The following METTL22 variants were observed in gnomAD, a reference collection of about 807,000 sequenced individuals.
METTL22 encodes methyltransferase-like protein 22.
METTL22 carries 51 observed loss-of-function variants against 48.4 expected under a neutral mutation model. That is an observed-to-expected ratio of 1.05 (90% CI 0.84 to 1.33). The LOEUF is 1.33. METTL22 is among the 40% of genes most tolerant of loss of function. The pLI, the probability that METTL22 is intolerant of heterozygous loss-of-function variation, is 0.00. For missense variants in METTL22, 678 were observed against 526.9 expected, an observed-to-expected ratio of 1.29 and a Z score of -2.81; for synonymous variants, 255 against 214.1, an observed-to-expected ratio of 1.19 and a Z score of -1.67.
chr16:8,659,335 A>C, the METTL22 span, among the ~76,000 whole-genome samples: 2 of 151,568 alleles, frequency 1.3e-5, no homozygotes, highest in Non-Finnish European at 2.9e-5. Context: ...AAAAAAAAAA[A>C]CGAACAAAAA....
At chr16:8,642,752 T>C (rs2056663435) in intron 9 of METTL22, 187 bp downstream of exon 9, 3 of 640,936 alleles carry the variant, frequency 4.7e-6, no homozygotes, top group Non-Finnish European at 5.6e-6. Context: ...CCTAGCCCTG[T>C]GTGCAGGCGC....
chr16:8,658,220 C>G, the METTL22 span, among the ~76,000 whole-genome samples: 15 of 152,302 alleles, frequency 9.8e-5, no homozygotes, highest in Middle Eastern at 3.4e-3. Context: ...AAGGAGCACC[C>G]GGGATCACCA....
chr16:8,628,204 C>T (rs2056127612), intron 2 of METTL22, among the ~76,000 whole-genome samples: 1 of 152,176 alleles, frequency 6.6e-6, no homozygotes, highest in Non-Finnish European at 1.5e-5. Context: ...CAACTTCACT[C>T]CTAAAATGTA....
rs2056656929 is a variant in METTL22, at chr16:8,642,562, A to G, written c.1007A>G (p.Lys336Arg). Residue 336 changes from lysine to arginine, a missense_variant, in exon 9 of 11, where the codon AAG (lysine) becomes AGG (arginine). Transcript: ENST00000381920. ...TGCACAGCCATACTGTCGGTGGAGA[A>G]GAGGTGAGCTTTGCGCCACGGGAAC... The part of the protein sequence containing the change: ...NACTAILSVE[K>R]RLNFTLRHLD... The G allele has an allele frequency of 1.9e-6, 3 of 1,614,046 alleles. No homozygotes were observed. The highest frequency in any genetic ancestry group is 1.1e-5 in the South Asian group (1 of 91,092).
At position 8,625,785 on chromosome 16, in the gene METTL22, C is replaced by T. The variant is rs763099173; in HGVS notation, c.120C>T (p.Ser40=). 25 of 1,614,128 alleles carry T rather than the reference C, an allele frequency of 1.5e-5. No homozygotes were observed. The South Asian group carries it at 2.1e-4, about 13-fold the overall frequency. Residue 40 remains serine, a synonymous_variant, in exon 2 of 11, where the codon AGC becomes AGT. Coordinates refer to ENST00000381920, the MANE Select transcript of METTL22 (RefSeq NM_024109.4). ...GACATCTCATGGTACGGCTGAACAG[C>T]GTGGGGCAGCCAGGTAAGGTCCTGG... ...NHRHLMVRLN[S]VGQPVFLSQF... is the part of the protein sequence containing the mutation.
the METTL22 span, among the ~76,000 whole-genome samples, chr16:8,660,133 T>C: frequency 1.3e-5 from 2 of 151,898 alleles, no homozygotes; most frequent in Non-Finnish European, 1.5e-5. Context: ...GGACATTAAC[T>C]GACTTTATGT....
At chr16:8,636,221 A>G (rs1282579349) in intron 5 of METTL22, among the ~76,000 whole-genome samples, 4 of 152,130 alleles carry the variant, frequency 2.6e-5, no homozygotes, top group African/African-American at 9.7e-5. Flanking sequence ...TTTTAAGAGC[A>G]TTTTCTCATG....
At chr16:8,630,189 C>G (rs2056208247) in intron 3 of METTL22, among the ~76,000 whole-genome samples, 1 of 61,566 alleles carries the variant, frequency 1.6e-5, no homozygotes, top group Non-Finnish European at 3.9e-5. Flanking sequence ...AGCTCTGTAT[C>G]TATCTGCTCA....
At chr16:8,644,466 CAGTGAGGGATA>C in intron 9 of METTL22, 80 bp from the exon 10 acceptor site, 1 of 1,290,306 alleles carries the variant, frequency 7.8e-7, no homozygotes, top group Non-Finnish European at 1.1e-6. Flanking sequence ...GATATGAGAT[CAGTGAGGGATA>C]GGAAAGCAAG....
the METTL22 span, among the ~76,000 whole-genome samples, chr16:8,663,770 C>A: frequency 0.038 from 5,822 of 152,290 alleles, 359 homozygotes; most frequent in African/African-American, 0.13. Context: ...CATCTTGGAT[C>A]ATCTTAGACC....
chr16:8,640,149 C>T (rs2033947581), intron 6 of METTL22, among the ~76,000 whole-genome samples: 3 of 152,218 alleles, frequency 2.0e-5, no homozygotes, highest in Admixed American at 1.3e-4. Flanking sequence ...TCTGTGGGTG[C>T]AGGTACCCTG....
chr16:8,640,288 G>C (rs2056556277), intron 6 of METTL22, among the ~76,000 whole-genome samples: 1 of 152,068 alleles, frequency 6.6e-6, no homozygotes, highest in African/African-American at 2.4e-5. Flanking sequence ...TCTGACATGA[G>C]TTCCTCTCTC....
chr16:8,645,918 A>G (rs937031900), intron 10 of METTL22, 190 bp from the exon 11 acceptor site: 11 of 965,162 alleles, frequency 1.1e-5, no homozygotes, highest in Admixed American at 2.9e-4. Context: ...CCTCTCTGCC[A>G]CAGTAAAATA....
Position 8,646,704 on chromosome 16 carries a change from C to G in METTL22, c.*561C>G, listed in dbSNP as rs771057836. On this transcript the variant is annotated 3_prime_UTR_variant, in exon 11 of 11. Transcript: ENST00000381920. ...TTGGCCTTTGTATTTAATTTTAACTCTTTATCACCCAAATCAGGTACGTTT... is the reference window on the plus strand; with the variant it reads ...TTGGCCTTTGTATTTAATTTTAACTGTTTATCACCCAAATCAGGTACGTTT... 50 of 455,406 alleles carry G rather than the reference C, an allele frequency of 1.1e-4. 1 individual carries two copies. Among genetic ancestry groups the G allele is most frequent in the South Asian group, 6.5e-4 (42 of 64,568 alleles). 28.2% of individuals were successfully genotyped at this position (455,406 alleles called of 1,614,324 possible).
downstream of METTL22, among the ~76,000 whole-genome samples, chr16:8,650,996 G>C (rs2056886192): frequency 6.6e-6 from 1 of 152,126 alleles, no homozygotes; most frequent in Non-Finnish European, 1.5e-5. Context: ...ACTCCAGCCT[G>C]GGTGACAGAG....
rs1327537531 is a variant in METTL22, at chr16:8,625,623, C to T, written c.-43C>T. The T allele has an allele frequency of 6.2e-7, 1 of 1,611,236 alleles. No homozygotes were observed. On this transcript the variant is annotated 5_prime_UTR_variant, in exon 2 of 11. Transcript: ENST00000381920. ...TGCCATGCTGAGGACCCATTCTCACCTCTGAGGGACTCCTGTCCTAGGACT... is the reference window on the plus strand; with the variant it reads ...TGCCATGCTGAGGACCCATTCTCACTTCTGAGGGACTCCTGTCCTAGGACT...
intron 6 of METTL22, among the ~76,000 whole-genome samples, chr16:8,640,009 C>T (rs889331195): frequency 6.6e-6 from 1 of 152,198 alleles, no homozygotes; most frequent in Non-Finnish European, 1.5e-5. Context: ...TCATCACCCT[C>T]GGGGCTTCAG....
chr16:8,644,531 T>A (rs759711004), intron 9 of METTL22, 26 bp from the exon 10 acceptor site: 5 of 1,523,632 alleles, frequency 3.3e-6, no homozygotes, highest in Non-Finnish European at 4.4e-6. Context: ...GATGGCAGTT[T>A]GTGCGTCCGA....
At chr16:8,633,908 G>A (rs2056344617) in intron 3 of METTL22, among the ~76,000 whole-genome samples, 1 of 152,226 alleles carries the variant, frequency 6.6e-6, no homozygotes, top group South Asian at 2.1e-4. Context: ...GGCACCCAGG[G>A]CTTGCTCACA....
Sources: allele counts gnomAD v4.1 joint callset (sites outside exome capture counted in the v4.1 genomes callset), GRCh38; gene constraint gnomAD v4.1.1; transcripts MANE v1.5; gene names NCBI Gene and HGNC (gene_info 2026-07-23, HGNC 2026-07-21).